The following CCDC102B variants were observed in gnomAD, a reference collection of about 807,000 sequenced individuals.
CCDC102B encodes coiled-coil domain-containing protein 102B.
CCDC102B carries 75 observed loss-of-function variants against 57.4 expected under a neutral mutation model. That is an observed-to-expected ratio of 1.31 (90% CI 1.08 to 1.58). CCDC102B has a LOEUF of 1.58. Among genes scored for constraint, CCDC102B ranks in the 40% most tolerant of loss-of-function variants. The pLI, the probability that CCDC102B is intolerant of heterozygous loss-of-function variation, is 0.00. For synonymous variants in CCDC102B, 206 were observed against 201.9 expected (o/e 1.02, Z -0.17); for missense variants, 636 against 582.6 (o/e 1.09, Z -0.94).
chr18:68,784,291 A>G (rs2035110953), intron 2 of CCDC102B, among the ~76,000 whole-genome samples: 1 of 151,320 alleles, frequency 6.6e-6, no homozygotes, highest in Admixed American at 6.6e-5. Flanking sequence ...GGCGTCTCAC[A>G]TGGTGGGAGC....
At chr18:68,734,483 G>C (rs1438587481) in intron 2 of CCDC102B, among the ~76,000 whole-genome samples, 2 of 152,144 alleles carry the variant, frequency 1.3e-5, no homozygotes, top group Non-Finnish European at 2.9e-5. Context: ...GTCATCATCT[G>C]GCTTACGGAG....
chr18:68,766,199 TTAAA>T (rs1275623639), intron 2 of CCDC102B, among the ~76,000 whole-genome samples: 4 of 152,110 alleles, frequency 2.6e-5, no homozygotes, highest in South Asian at 2.1e-4. Context: ...AGATGGGTGA[TTAAA>T]TAACTCCTAG....
At chr18:68,901,471 A>T (rs1210162452) in intron 6 of CCDC102B, among the ~76,000 whole-genome samples, 1 of 152,148 alleles carries the variant, frequency 6.6e-6, no homozygotes, top group African/African-American at 2.4e-5. Flanking sequence ...TCTCTGGCTT[A>T]CATGGACAGA....
At chr18:69,033,220 A>G (rs576142290) in intron 7 of CCDC102B, among the ~76,000 whole-genome samples, 2 of 152,284 alleles carry the variant, frequency 1.3e-5, no homozygotes, top group Non-Finnish European at 2.9e-5. Context: ...TTAACATACA[A>G]AAATTATGGC....
At chr18:68,946,497 G>A (rs2049542441) in intron 6 of CCDC102B, among the ~76,000 whole-genome samples, 1 of 151,972 alleles carries the variant, frequency 6.6e-6, no homozygotes, top group Admixed American at 6.6e-5. Flanking sequence ...TATGCAACAT[G>A]ACTTGATCCT....
chr18:68,954,733 A>C (rs1015514174), intron 6 of CCDC102B, among the ~76,000 whole-genome samples: 4 of 152,188 alleles, frequency 2.6e-5, no homozygotes, highest in Non-Finnish European at 4.4e-5. Context: ...CTTCTAGAGC[A>C]TTATTTCAAT....
intron 1 of CCDC102B, among the ~76,000 whole-genome samples, chr18:68,827,608 A>G (rs2036956366): frequency 6.6e-6 from 1 of 152,120 alleles, no homozygotes; most frequent in Non-Finnish European, 1.5e-5. Flanking sequence ...GGACACAAAG[A>G]AAACAAATTA....
chr18:68,838,062 C>A (rs2037463357), intron 2 of CCDC102B, among the ~76,000 whole-genome samples: 1 of 152,160 alleles, frequency 6.6e-6, no homozygotes, highest in African/African-American at 2.4e-5. Context: ...TCATTTCAAA[C>A]TTATAAACCA....
At chr18:69,031,233 C>A (rs962217270) in intron 7 of CCDC102B, among the ~76,000 whole-genome samples, 1 of 152,070 alleles carries the variant, frequency 6.6e-6, no homozygotes, top group African/African-American at 2.4e-5. Context: ...TTCTTCTGAG[C>A]ATTGTAGTCC....
At chr18:68,913,667 A>AC (rs1555725508) in intron 6 of CCDC102B, among the ~76,000 whole-genome samples, 13 of 151,336 alleles carry the variant, frequency 8.6e-5, no homozygotes, top group Admixed American at 3.3e-4. Context: ...AAGAAAAAAA[A>AC]AAAAGCAAAA....
intron 2 of CCDC102B, among the ~76,000 whole-genome samples, chr18:68,765,045 T>TTAAA (rs60550530): frequency 0.024 from 3,071 of 127,098 alleles, 67 homozygotes; most frequent in African/African-American, 0.051. Context: ...AAACCCTCTC[T>TTAAA]TAAATAAATA....
At chr18:68,906,364 G>A (rs2040643353) in intron 6 of CCDC102B, among the ~76,000 whole-genome samples, 1 of 152,256 alleles carries the variant, frequency 6.6e-6, no homozygotes, top group South Asian at 2.1e-4. Flanking sequence ...GAGTCAGATG[G>A]TAATTCTATC....
chr18:68,757,117 A>G (rs532884402), intron 2 of CCDC102B, among the ~76,000 whole-genome samples: 1 of 152,292 alleles, frequency 6.6e-6, no homozygotes, highest in African/African-American at 2.4e-5. Flanking sequence ...AAGGCCCTCA[A>G]TTGGAATACA....
chr18:68,865,037 T>C lies in CCDC102B; in HGVS notation c.937-9632T>C, dbSNP rs1414252728. ...TGTTTTTGAAGGAAGCTTTGTGTTT[T>C]CTGTTTTGCTTTGTTTTGTTTATGA... On this transcript the variant is annotated intron_variant, in intron 4 of 7. Transcript: ENST00000360242. 2.6e-5 allele frequency among the ~76,000 whole-genome samples: 4 copies of C among 152,176 alleles called. No homozygotes were observed. In the East Asian group the frequency reaches 7.7e-4, roughly 29 times the overall value.
Position 68,934,166 on chromosome 18 carries a change from G to A in CCDC102B, c.1263+36738G>A, listed in dbSNP as rs138369530. Among the ~76,000 whole-genome samples, 13 of 152,022 alleles carry A rather than the reference G, an allele frequency of 8.6e-5. No homozygotes were observed. In the East Asian group the frequency reaches 2.5e-3, roughly 30 times the overall value. ...TAGTAATTTAACTAAATTTCTTAGT[G>A]TAGTAGCAAATAATTTGGGAAATTC... On this transcript the variant is annotated intron_variant, in intron 6 of 7. Coordinates refer to ENST00000360242, the MANE Select transcript of CCDC102B (RefSeq NM_024781.3).
chr18:68,775,628 G>A (rs2034784834), intron 2 of CCDC102B, among the ~76,000 whole-genome samples: 1 of 149,616 alleles, frequency 6.7e-6, no homozygotes, highest in Admixed American at 6.7e-5. Context: ...CTTATGTGAT[G>A]CTAGTAGGCA....
At chr18:69,026,959 G>C (rs1298495968) in intron 7 of CCDC102B, among the ~76,000 whole-genome samples, 2 of 152,226 alleles carry the variant, frequency 1.3e-5, no homozygotes, top group Non-Finnish European at 2.9e-5. Context: ...CACCCAGCCT[G>C]TTGGTAAAGT....
At chr18:68,817,467 A>C (rs975429768) in intron 1 of CCDC102B, among the ~76,000 whole-genome samples, 2 of 152,210 alleles carry the variant, frequency 1.3e-5, no homozygotes, top group Non-Finnish European at 1.5e-5. Context: ...CAAAATAATT[A>C]TCTTGGTTCT....
At chr18:68,760,516 AT>A (rs2034218709) in intron 2 of CCDC102B, among the ~76,000 whole-genome samples, 1 of 152,094 alleles carries the variant, frequency 6.6e-6, no homozygotes, top group East Asian at 1.9e-4. Flanking sequence ...GGTGTCATTG[AT>A]ACATTCATTT....
Sources: allele counts gnomAD v4.1 joint callset (sites outside exome capture counted in the v4.1 genomes callset), GRCh38; gene constraint gnomAD v4.1.1; transcripts MANE v1.5; gene names NCBI Gene and HGNC (gene_info 2026-07-23, HGNC 2026-07-21).